Variants in SOX6 observed in about 807,000 individuals in gnomAD.
SOX6 encodes the protein SRY-box transcription factor 6.
Under a neutral mutation model 97.8 loss-of-function variants are expected in SOX6, and 11 were observed. The observed-to-expected ratio is 0.11, with a 90% CI of 0.07 to 0.19. The LOEUF (loss-of-function observed/expected upper bound fraction) is 0.19. Ranked by LOEUF, SOX6 falls within the 10% of genes least tolerant of loss-of-function variation. The pLI is 1.00. For missense variants in SOX6, 810 were observed against 1,039.5 expected (o/e 0.78, Z 3.04); for synonymous variants, 360 against 371.4 (o/e 0.97, Z 0.35).
intron 6 of SOX6, among the ~76,000 whole-genome samples, chr11:16,146,894 C>A (rs1850319315): frequency 6.6e-6 from 1 of 152,216 alleles, no homozygotes; most frequent in Non-Finnish European, 1.5e-5. Flanking sequence ...AAAGCTTTTA[C>A]ACTGTTGGTG....
intron 6 of SOX6, among the ~76,000 whole-genome samples, chr11:16,162,879 C>T (rs1190070384): frequency 6.6e-6 from 1 of 150,714 alleles, no homozygotes; most frequent in Non-Finnish European, 1.5e-5. Context: ...ACAGAGTTGG[C>T]TTTTTAAAAA....
At chr11:16,186,713 C>T (rs1171420349) in intron 5 of SOX6, 70 bp downstream of exon 5, 2 of 1,512,924 alleles carry the variant, frequency 1.3e-6, no homozygotes, top group South Asian at 1.1e-5. Context: ...ATAAGCCAAT[C>T]AATTTGATTA....
At chr11:16,259,931 T>A (rs570500325) in intron 3 of SOX6, among the ~76,000 whole-genome samples, 2 of 133,248 alleles carry the variant, frequency 1.5e-5, no homozygotes, top group South Asian at 5.0e-4. Context: ...ATGTTATACT[T>A]CAATGTCCCA....
chr11:16,593,337 T>TAA (rs1411104742), intron 4 of SOX6, among the ~76,000 whole-genome samples: 1 of 152,156 alleles, frequency 6.6e-6, no homozygotes, highest in African/African-American at 2.4e-5. Flanking sequence ...ATACTCTTTA[T>TAA]AAACAGGGAT....
chr11:16,484,459 C>T (rs1860397378), intron 4 of SOX6: 2 of 805,028 alleles, frequency 2.5e-6, no homozygotes. Context: ...TGAAGAGCTC[C>T]TCGCACTTCA....
At chr11:16,320,589 T>G (rs1163972111) in intron 2 of SOX6, among the ~76,000 whole-genome samples, 1 of 152,102 alleles carries the variant, frequency 6.6e-6, no homozygotes, top group Non-Finnish European at 1.5e-5. Context: ...GTAGATACTA[T>G]TTCTTGAAGG....
chr11:16,438,708 A>G (rs1178778300), intron 1 of SOX6, among the ~76,000 whole-genome samples: 1 of 151,936 alleles, frequency 6.6e-6, no homozygotes. Context: ...TCAGTGAAAA[A>G]AAAAAAAGAA....
intron 3 of SOX6, among the ~76,000 whole-genome samples, chr11:16,256,746 T>C (rs950900670): frequency 3.3e-5 from 5 of 151,712 alleles, no homozygotes; most frequent in African/African-American, 1.2e-4. Context: ...ATAAAGGGTA[T>C]ACAGATTGGG....
At chr11:16,618,670 G>T (rs1848501557) in intron 3 of SOX6, among the ~76,000 whole-genome samples, 1 of 151,914 alleles carries the variant, frequency 6.6e-6, no homozygotes, top group Non-Finnish European at 1.5e-5. Context: ...TTTGTGGATA[G>T]TAAGAAGGAA....
chr11:16,144,439 G>A (rs1437119550), intron 6 of SOX6, among the ~76,000 whole-genome samples: 1 of 151,790 alleles, frequency 6.6e-6, no homozygotes, highest in South Asian at 2.1e-4. Context: ...ACAATTAAAT[G>A]TGTTGGAAGC....
chr11:16,653,906 T>C (rs970608469), intron 3 of SOX6, among the ~76,000 whole-genome samples: 31 of 151,030 alleles, frequency 2.1e-4, no homozygotes, highest in African/African-American at 7.5e-4. Flanking sequence ...ATTTATGTAA[T>C]ATTACATAAA....
intron 4 of SOX6, among the ~76,000 whole-genome samples, chr11:16,608,091 C>G (rs903588731): frequency 6.6e-6 from 1 of 151,348 alleles, no homozygotes; most frequent in Non-Finnish European, 1.5e-5. Context: ...GGGACAAGTA[C>G]TAGGTGGGGG....
chr11:16,106,277 G>A (rs1849081532), intron 7 of SOX6, among the ~76,000 whole-genome samples: 1 of 151,918 alleles, frequency 6.6e-6, no homozygotes, highest in Non-Finnish European at 1.5e-5. Flanking sequence ...AAGTTGGAAA[G>A]CTCATAGTTC....
intron 6 of SOX6, among the ~76,000 whole-genome samples, chr11:16,141,294 C>T (rs1015326405): frequency 2.6e-5 from 4 of 152,044 alleles, no homozygotes; most frequent in African/African-American, 9.7e-5. Context: ...TACAGGTATT[C>T]AGGTATCTGA....
chr11:16,040,615 T>C (rs1855636292), intron 12 of SOX6, among the ~76,000 whole-genome samples: 1 of 152,088 alleles, frequency 6.6e-6, no homozygotes. Context: ...TAGATAGACT[T>C]CTTTAGCTCA....
At chr11:16,703,658 T>A (rs1302306404) in intron 3 of SOX6, among the ~76,000 whole-genome samples, 1 of 152,172 alleles carries the variant, frequency 6.6e-6, no homozygotes, top group African/African-American at 2.4e-5. Flanking sequence ...AACCAAACTA[T>A]AAACATTTAT....
chr11:16,571,178 A>C (rs2133199064), intron 4 of SOX6, among the ~76,000 whole-genome samples: 1 of 152,310 alleles, frequency 6.6e-6, no homozygotes, highest in East Asian at 1.9e-4. Flanking sequence ...CAAAACAAAA[A>C]TTTTCAAAGG....
At chr11:16,227,040 A>T (rs1852708620) in intron 4 of SOX6, among the ~76,000 whole-genome samples, 1 of 152,172 alleles carries the variant, frequency 6.6e-6, no homozygotes, top group Admixed American at 6.5e-5. Context: ...CCTGAACAAG[A>T]TACCTAATTC....
At position 16,137,859 on chromosome 11, in the gene SOX6, C is replaced by G. The variant is rs149636806; in HGVS notation, c.778-25936G>C. 3.3e-3 allele frequency among the ~76,000 whole-genome samples: 507 copies of G among 152,256 alleles called. 1 individual carries two copies. The highest frequency in any genetic ancestry group is 0.012 in the African/African-American group (486 of 41,560). Reference sequence around the variant, plus strand: ...GGAGATCTGATGGTTTTATAAGGAGCTTCCCCCTTCGCTGGGCACTCATTC... The same window carrying G: ...GGAGATCTGATGGTTTTATAAGGAGGTTCCCCCTTCGCTGGGCACTCATTC... On this transcript the variant is annotated intron_variant, in intron 6 of 15. Coordinates refer to ENST00000683767, the MANE Select transcript of SOX6 (RefSeq NM_001367873.1).
Sources: gnomAD v4.1 joint callset for allele counts (sites outside exome capture counted in the v4.1 genomes callset) on GRCh38, gnomAD v4.1.1 for gene constraint, MANE v1.5 for transcripts, NCBI Gene and HGNC (gene_info 2026-07-23, HGNC 2026-07-21) for gene names.